HAUS7: variants seen among roughly 807,000 people sequenced by gnomAD.
HAUS7 encodes the protein HAUS augmin-like complex subunit 7.
A neutral mutation model predicts 28.4 loss-of-function variants in HAUS7; 3 were observed. The ratio of observed to expected loss-of-function variants is 0.11; its 90% CI spans 0.05 to 0.27. The LOEUF is 0.27. Ranked by LOEUF, HAUS7 falls within the 10% of genes least tolerant of loss-of-function variation. HAUS7 has a pLI of 1.00. For missense variants in HAUS7, 284 were observed against 297.3 expected (o/e 0.96, Z 0.33); for synonymous variants, 165 against 132.1 (o/e 1.25, Z -1.71).
In HAUS7 at chrX:153,460,126, C is replaced by T. The variant is rs180866872; in HGVS notation, c.354+2484G>A. ...GGAATGCAGTCCTGCTAAGTGCTGC[C>T]GCAACATGGACAAACCTTGAAAACC... On this transcript the variant is annotated intron_variant, in intron 4 of 9. Coordinates refer to ENST00000370211, the MANE Select transcript of HAUS7 (RefSeq NM_001385482.1). Among the ~76,000 whole-genome samples, 681 of 112,219 alleles carry T rather than the reference C, an allele frequency of 6.1e-3. 6 individuals are homozygous for T. The highest frequency in any genetic ancestry group is 0.021 in the African/African-American group (633 of 30,858).
In HAUS7 at chrX:153,447,948, G is replaced by T. The variant is rs34998023; in HGVS notation, c.1046-39C>A. ...AAAAGAAACCAAAAGGATGGTGGGAGTGTAAACTAGTTCCACCATTGTGGA... is the reference window on the plus strand; with the variant it reads ...AAAAGAAACCAAAAGGATGGTGGGATTGTAAACTAGTTCCACCATTGTGGA... On this transcript the variant is annotated intron_variant, in intron 9 of 9. Coordinates refer to ENST00000370211, the MANE Select transcript of HAUS7 (RefSeq NM_001385482.1). 9,684 of 1,060,505 alleles carry T rather than the reference G, an allele frequency of 9.1e-3. 451 individuals are homozygous for T. The African/African-American group carries it at 0.15, about 16-fold the overall frequency. 87.4% of individuals were successfully genotyped at this position (1,060,505 alleles called of 1,213,427 possible). A position where few individuals can be genotyped will look rare whatever the true frequency, so the allele number is the denominator to read the frequency against.
At chrX:153,485,609 G>T (rs928664981) in intron 1 of HAUS7, among the ~76,000 whole-genome samples, 3 of 112,435 alleles carry the variant, frequency 2.7e-5, no homozygotes, top group African/African-American at 9.7e-5. Flanking sequence ...ACTCACACAG[G>T]AGTTGCCAGA....
chrX:153,476,147 C>A (rs1469226823), intron 1 of HAUS7, among the ~76,000 whole-genome samples: 1 of 112,485 alleles, frequency 8.9e-6, no homozygotes, highest in African/African-American at 3.2e-5. Flanking sequence ...CCACGGCTCA[C>A]TCAGCCTGCT....
intron 1 of HAUS7, among the ~76,000 whole-genome samples, chrX:153,469,931 G>A (rs1353598266): frequency 9.0e-6 from 1 of 111,158 alleles, no homozygotes; most frequent in African/African-American, 3.3e-5. Flanking sequence ...CGAGCGGGCC[G>A]AGGGGACCTG....
chrX:153,459,775 G>A (rs1569530948), intron 4 of HAUS7, among the ~76,000 whole-genome samples: 1 of 112,466 alleles, frequency 8.9e-6, no homozygotes, highest in South Asian at 3.7e-4. Context: ...CAGCACTTTG[G>A]GAGGCTAAAG....
intron 1 of HAUS7, among the ~76,000 whole-genome samples, chrX:153,487,757 C>T (rs1424405198): frequency 8.9e-6 from 1 of 112,692 alleles, no homozygotes; most frequent in Admixed American, 9.3e-5. Context: ...TGAGCGAGGC[C>T]GGCCCTCCAT....
Position 153,483,577 on chromosome X carries a change from C to G in HAUS7, c.-589+11797G>C, listed in dbSNP as rs782223501. On this transcript the variant is annotated intron_variant, in intron 1 of 5. Coordinates refer to the HAUS7 transcript ENST00000370210. ...CTGAGCCACGGAGCCCCAGAGAGGG[C>G]CAGGAGGCAGGGGGCTCCAGGGGAG... 3.2e-4 allele frequency: 173 copies of G among 544,585 alleles called. 2 individuals are homozygous for G. In the African/African-American group the frequency reaches 4.2e-3, roughly 13 times the overall value. 44.9% of individuals were successfully genotyped at this position (544,585 alleles called of 1,213,427 possible).
chrX:153,492,235 G>T (rs1342329585), intron 1 of HAUS7, among the ~76,000 whole-genome samples: 3 of 113,557 alleles, frequency 2.6e-5, no homozygotes, highest in Non-Finnish European at 5.6e-5. Context: ...CGCTAGCAAG[G>T]AAGCACTGTT....
At chrX:153,488,563 C>T (rs1168779419) in intron 1 of HAUS7, among the ~76,000 whole-genome samples, 1 of 112,534 alleles carries the variant, frequency 8.9e-6, no homozygotes, top group Non-Finnish European at 1.9e-5. Flanking sequence ...GGACTCGTCC[C>T]GGCATTCCTT....
chrX:153,492,703 C>T (rs782498033), intron 1 of HAUS7, among the ~76,000 whole-genome samples: 1 of 110,173 alleles, frequency 9.1e-6, no homozygotes, highest in Non-Finnish European at 1.9e-5. Flanking sequence ...CGGACTGCAG[C>T]GCCGCCTGGC....
At chrX:153,489,909 C>G (rs1306563455) in intron 1 of HAUS7, among the ~76,000 whole-genome samples, 14 of 113,053 alleles carry the variant, frequency 1.2e-4, no homozygotes, top group Non-Finnish European at 1.9e-4. Flanking sequence ...CCTCCACCCC[C>G]TACCCCCATA....
At chrX:153,470,696 C>A, upstream of HAUS7, 1 of 935,798 alleles carries the variant, frequency 1.1e-6, no homozygotes. Flanking sequence ...TGGGCGACAT[C>A]TCCGCCTGCG....
In HAUS7 at chrX:153,457,161, G is replaced by T; in HGVS notation, c.422C>A (p.Thr141Asn). 1 of 1,199,314 alleles carries T rather than the reference G, an allele frequency of 8.3e-7. No individual in the cohort carries two copies. The highest frequency in any genetic ancestry group is 1.7e-5 in the African/African-American group (1 of 57,697). ...DQLLDTIRSL[T>N]IGCSSCSSLM... Reference sequence around the variant, plus strand: ...CCTCGAGCAACTGGAGCACCCAATGGTCAGGCTCCGGATGGTATCGAGCAA... The same window carrying T: ...CCTCGAGCAACTGGAGCACCCAATGTTCAGGCTCCGGATGGTATCGAGCAA... Residue 141 changes from threonine to asparagine, a missense_variant, in exon 5 of 10, where the codon ACC (threonine) becomes AAC (asparagine). Thr to Asn is a moderately conservative substitution (Grantham distance 65, BLOSUM62 0). Transcript: ENST00000370211.
At chrX:153,489,237 G>A (rs2089657301) in intron 1 of HAUS7, among the ~76,000 whole-genome samples, 1 of 112,586 alleles carries the variant, frequency 8.9e-6, no homozygotes, top group East Asian at 2.8e-4. Flanking sequence ...GGGAGGGCTG[G>A]TCAGAGTCTA....
rs368562448 is a variant in HAUS7 at position 153,462,652 on chromosome X, G to T, written c.312C>A (p.His104Gln). The T allele has an allele frequency of 1.7e-6, 2 of 1,205,971 alleles. No individual in the cohort carries two copies. The highest frequency in any genetic ancestry group is 2.2e-5 in the Admixed American group (1 of 46,043). The change falls in exon 4 of 10, where the codon CAC (histidine) becomes CAA (glutamine). Residue 104 changes from histidine (H) to glutamine (Q), a missense_variant. Transcript: ENST00000370211. ...CATCTGGCGCACACAGCATCAGCTC[G>T]TGGCCCAGCTTCGTCATTTCTGTTG... ...VKIQEMTKLG[H>Q]ELMLCAPDDQ...
chrX:153,457,692 G>A (rs1291434042), intron 4 of HAUS7, among the ~76,000 whole-genome samples: 2 of 113,116 alleles, frequency 1.8e-5, no homozygotes, highest in Admixed American at 9.2e-5. Context: ...GGGGACTGGC[G>A]TTCCAGCCCG....
intron 1 of HAUS7, among the ~76,000 whole-genome samples, chrX:153,487,594 T>C (rs945417755): frequency 3.6e-5 from 4 of 112,387 alleles, no homozygotes; most frequent in Non-Finnish European, 7.5e-5. Flanking sequence ...TGCCCAGAGA[T>C]GTATGGCTGG....
chrX:153,475,593 C>CT (rs1556986122), intron 1 of HAUS7, among the ~76,000 whole-genome samples: 4 of 112,392 alleles, frequency 3.6e-5, no homozygotes, highest in Non-Finnish European at 7.5e-5. Flanking sequence ...CTTCTCCAAG[C>CT]TTTAAGGGGG....
chrX:153,486,185 G>T, intron 1 of HAUS7: 6 of 670,265 alleles, frequency 9.0e-6, no homozygotes, highest in Non-Finnish European at 1.2e-5. Context: ...CCTGAGGCCA[G>T]GAGGCCCTGC....
Sources: allele counts gnomAD v4.1 joint callset (sites outside exome capture counted in the v4.1 genomes callset), GRCh38; gene constraint gnomAD v4.1.1; transcripts MANE v1.5; gene names NCBI Gene and HGNC (gene_info 2026-07-23, HGNC 2026-07-21).